The following STON2 variants were observed in gnomAD, a reference collection of about 807,000 sequenced individuals.
The protein encoded by STON2 is stonin 2, also known as stonin-2.
Under a neutral mutation model 65.7 loss-of-function variants are expected in STON2, and 29 were observed. The observed-to-expected ratio is 0.44, with a 90% CI of 0.33 to 0.60. The LOEUF (loss-of-function observed/expected upper bound fraction) is 0.60, where lower values mean the gene tolerates loss of function less well. Ranked by LOEUF, STON2 falls within the 20% of genes least tolerant of loss-of-function variation. STON2 has a pLI of 0.03. For missense variants in STON2, 1,054 were observed against 1,118.1 expected (o/e 0.94, Z 0.82); for synonymous variants, 404 against 414.2 (o/e 0.98, Z 0.30).
At chr14:81,304,079 C>T (rs1234330318) in intron 5 of STON2, among the ~76,000 whole-genome samples, 1 of 152,160 alleles carries the variant, frequency 6.6e-6, no homozygotes, top group African/African-American at 2.4e-5. Context: ...ATTTTCTTAT[C>T]GGCATCGCTC....
At chr14:81,318,897 T>C (rs1896721256) in intron 5 of STON2, among the ~76,000 whole-genome samples, 1 of 152,220 alleles carries the variant, frequency 6.6e-6, no homozygotes, top group Non-Finnish European at 1.5e-5. Context: ...TTCCCTGCCC[T>C]GGCGCTGTGC....
chr14:81,268,575 C>T, intron 7 of STON2, 78 bp from the exon 8 acceptor site: 1 of 1,272,934 alleles, frequency 7.9e-7, no homozygotes, highest in South Asian at 1.3e-5. Flanking sequence ...ACCAAAACTC[C>T]ATAGGTACTT....
At chr14:81,297,135 G>A (rs1318649726) in intron 5 of STON2, among the ~76,000 whole-genome samples, 2 of 152,108 alleles carry the variant, frequency 1.3e-5, no homozygotes, top group East Asian at 1.9e-4. Context: ...TGGAAGGACG[G>A]AAAGATAAAA....
At chr14:81,430,012 T>C (rs1240034232) in intron 1 of STON2, among the ~76,000 whole-genome samples, 1 of 152,038 alleles carries the variant, frequency 6.6e-6, no homozygotes, top group Non-Finnish European at 1.5e-5. Context: ...TCAGATACAG[T>C]AGTCCAGTGA....
At chr14:81,380,505 A>G (rs1899462386) in intron 3 of STON2, among the ~76,000 whole-genome samples, 1 of 152,158 alleles carries the variant, frequency 6.6e-6, no homozygotes, top group African/African-American at 2.4e-5. Flanking sequence ...ACCCAAAGGA[A>G]TAACAACACA....
chr14:81,309,768 G>A (rs1225261044), intron 5 of STON2, among the ~76,000 whole-genome samples: 2 of 152,188 alleles, frequency 1.3e-5, no homozygotes, highest in East Asian at 3.9e-4. Flanking sequence ...CAAATAATAG[G>A]CAGGCATGTA....
At chr14:81,323,645 T>G (rs924578159) in intron 5 of STON2, 1 of 152,158 alleles carries the variant, frequency 6.6e-6, no homozygotes, top group Admixed American at 6.5e-5. Flanking sequence ...TAAGCTACAT[T>G]TCAATTAGTC....
At chr14:81,375,483 G>A (rs920767278) in intron 3 of STON2, among the ~76,000 whole-genome samples, 1 of 151,946 alleles carries the variant, frequency 6.6e-6, no homozygotes. Context: ...CAATTCATCA[G>A]AAATATATAA....
At chr14:81,343,405 A>G (rs1173378375) in intron 4 of STON2, among the ~76,000 whole-genome samples, 1 of 152,154 alleles carries the variant, frequency 6.6e-6, no homozygotes, top group African/African-American at 2.4e-5. Context: ...AACTCATACA[A>G]GTAAACCTGG....
At chr14:81,421,111 T>C (rs1901683869) in intron 2 of STON2, among the ~76,000 whole-genome samples, 1 of 152,210 alleles carries the variant, frequency 6.6e-6, no homozygotes, top group African/African-American at 2.4e-5. Context: ...GATGAAGCAC[T>C]GAGACGGTAT....
At chr14:81,417,004 T>C (rs988113125) in intron 2 of STON2, among the ~76,000 whole-genome samples, 24 of 152,210 alleles carry the variant, frequency 1.6e-4, no homozygotes, top group Non-Finnish European at 4.4e-5. Context: ...CATAGGGTTT[T>C]ATTTCCCAGG....
chr14:81,404,162 C>T (rs200019059), upstream of STON2, among the ~76,000 whole-genome samples: 4 of 152,246 alleles, frequency 2.6e-5, no homozygotes, highest in African/African-American at 7.2e-5. Flanking sequence ...AAAACAGCTT[C>T]GGAGAAAATC....
intron 5 of STON2, among the ~76,000 whole-genome samples, chr14:81,312,947 C>A (rs2719818): frequency 3.3e-5 from 5 of 152,144 alleles, no homozygotes; most frequent in Non-Finnish European, 7.4e-5. Flanking sequence ...GCTCGGCAGT[C>A]AAAAAAGAAG....
rs1896991929 is a variant in STON2 at position 81,325,983 on chromosome 14, T to C, written c.572-1796A>G. The stretch of plus-strand genomic sequence containing the variant: ...AAACGAATTTCTTCCCTCTTCCAGC[T>C]CTCTCACCCCAATGTATTAATTGAA... On this transcript the variant is annotated intron_variant, in intron 4 of 7. Transcript: ENST00000614646. Among the ~76,000 whole-genome samples, 3 of 151,594 alleles carry C rather than the reference T, an allele frequency of 2.0e-5. No individual in the cohort carries two copies. In the South Asian group the frequency reaches 6.2e-4, roughly 31 times the overall value.
intron 1 of STON2, among the ~76,000 whole-genome samples, chr14:81,430,074 C>T (rs1309422684): frequency 1.3e-5 from 2 of 152,118 alleles, no homozygotes; most frequent in Admixed American, 1.3e-4. Flanking sequence ...TCACTTAGAC[C>T]CATTCCTTCC....
chr14:81,294,618 ATAT>A (rs2140165436), intron 5 of STON2, among the ~76,000 whole-genome samples: 1 of 152,246 alleles, frequency 6.6e-6, no homozygotes, highest in African/African-American at 2.4e-5. Flanking sequence ...TTTATTTTTG[ATAT>A]TATTATTATC....
At chr14:81,325,404 G>C (rs1297882174) in intron 4 of STON2, among the ~76,000 whole-genome samples, 1 of 151,708 alleles carries the variant, frequency 6.6e-6, no homozygotes, top group African/African-American at 2.4e-5. Flanking sequence ...TTCTGAATTT[G>C]GGAAACAGTA....
chr14:81,276,663 T>C (rs1894832190), intron 6 of STON2, among the ~76,000 whole-genome samples: 1 of 152,244 alleles, frequency 6.6e-6, no homozygotes, highest in South Asian at 2.1e-4. Flanking sequence ...CTGAGAAGAA[T>C]AATCCCTAGT....
At chr14:81,424,773 C>T (rs1338039400) in intron 2 of STON2, among the ~76,000 whole-genome samples, 1 of 152,142 alleles carries the variant, frequency 6.6e-6, no homozygotes, top group Non-Finnish European at 1.5e-5. Flanking sequence ...AATTTCCCAC[C>T]ATGTATGCCT....
Sources: allele counts gnomAD v4.1 joint callset (sites outside exome capture counted in the v4.1 genomes callset), GRCh38; gene constraint gnomAD v4.1.1; transcripts MANE v1.5; gene names NCBI Gene and HGNC (gene_info 2026-07-23, HGNC 2026-07-21).